The following FARP2 variants were observed in gnomAD, a reference collection of about 807,000 sequenced individuals.
The protein encoded by FARP2 is FERM, ARH/RhoGEF and pleckstrin domain protein 2, also known as FERM, ARHGEF and pleckstrin domain-containing protein 2.
Under a neutral mutation model 130.5 loss-of-function variants are expected in FARP2, and 111 were observed. The ratio of observed to expected loss-of-function variants is 0.85; its 90% CI spans 0.73 to 1.00. The LOEUF is 1.00. FARP2 is among the 50% of genes least tolerant of loss of function. The pLI is 0.00. For missense variants in FARP2, 1,385 were observed against 1,346.3 expected (o/e 1.03, Z -0.45); for synonymous variants, 504 against 516.9 (o/e 0.98, Z 0.34).
intron 18 of FARP2, among the ~76,000 whole-genome samples, chr2:241,471,775 A>G (rs4386311): frequency 0.38 from 56,950 of 151,850 alleles, 10,954 homozygotes; most frequent in Admixed American, 0.52. Context: ...GATTACAGGC[A>G]TGAGCCACCG....
At chr2:241,474,840 A>AAAT (rs2064416303) in intron 18 of FARP2, among the ~76,000 whole-genome samples, 5 of 116,288 alleles carry the variant, frequency 4.3e-5, no homozygotes, top group African/African-American at 6.4e-5. Context: ...AATAAATAAA[A>AAAT]AGAAAGAAGG....
In FARP2 at chr2:241,493,001, A is replaced by G; in HGVS notation, c.2860A>G (p.Thr954Ala). ...HGWQKLWVVF[T>A]NFCLFFYKTH... is the part of the protein sequence containing the mutation. Reference sequence around the variant, plus strand: ...CTGGCAGAAGCTCTGGGTCGTCTTTACCAACTTCTGTTTGTTCTTCTACAA... The same window carrying G: ...CTGGCAGAAGCTCTGGGTCGTCTTTGCCAACTTCTGTTTGTTCTTCTACAA... Residue 954 changes from threonine to alanine, a missense_variant, in exon 25 of 27, where the codon ACC (threonine) becomes GCC (alanine). By Grantham distance (58) the Thr-to-Ala change is moderately conservative. Transcript: ENST00000264042. 1 of 1,610,564 alleles carries G rather than the reference A, an allele frequency of 6.2e-7. No homozygotes were observed. Among genetic ancestry groups the G allele is most frequent in the Non-Finnish European group, 8.5e-7 (1 of 1,176,796 alleles).
At chr2:241,491,417 A>G (rs1345274001) in intron 23 of FARP2, 99 bp from the exon 24 acceptor site, 5 of 1,356,504 alleles carry the variant, frequency 3.7e-6, no homozygotes, top group African/African-American at 1.4e-5. Context: ...AGGGCTCCCC[A>G]TTTCCCCAGG....
intron 12 of FARP2, 132 bp from the exon 13 acceptor site, chr2:241,441,172 G>A (rs2063373097): frequency 9.4e-6 from 7 of 745,446 alleles, no homozygotes; most frequent in Middle Eastern, 3.2e-4. Context: ...AAAGTCTAGT[G>A]AATTGCCCAT....
At chr2:241,481,359 A>C (rs1467354105) in intron 19 of FARP2, among the ~76,000 whole-genome samples, 1 of 152,230 alleles carries the variant, frequency 6.6e-6, no homozygotes, top group African/African-American at 2.4e-5. Context: ...TACTCTCAAC[A>C]TAAAAAATTG....
intron 1 of FARP2, among the ~76,000 whole-genome samples, chr2:241,366,706 A>G (rs1372201972): frequency 6.6e-6 from 1 of 152,110 alleles, no homozygotes; most frequent in Non-Finnish European, 1.5e-5. Context: ...AGAAATCAAG[A>G]ACACATTTTC....
chr2:241,432,104 A>C (rs1559763358), intron 9 of FARP2: 1 of 156,170 alleles, frequency 6.4e-6, no homozygotes, highest in Non-Finnish European at 1.4e-5. Flanking sequence ...ACAGGCTCAC[A>C]AAGTGCTGGG....
chr2:241,437,878 G>C (rs1416496977), intron 12 of FARP2, among the ~76,000 whole-genome samples: 2 of 151,872 alleles, frequency 1.3e-5, no homozygotes, highest in Non-Finnish European at 2.9e-5. Context: ...TGTCAGCCAG[G>C]ATGGTCTTGA....
At chr2:241,413,003 G>T (rs920857024) in intron 6 of FARP2, among the ~76,000 whole-genome samples, 1 of 152,100 alleles carries the variant, frequency 6.6e-6, no homozygotes, top group African/African-American at 2.4e-5. Flanking sequence ...ACTCCAGCCT[G>T]GTCAACAGAA....
intron 8 of FARP2, among the ~76,000 whole-genome samples, chr2:241,422,260 C>CAAAAAAAAAAAAAA (rs1198628886): frequency 1.1e-5 from 1 of 91,978 alleles, no homozygotes; most frequent in Non-Finnish European, 2.2e-5. Flanking sequence ...ACTAAAAATA[C>CAAAAAAAAAAAAAA]AAAAAAAAAA....
chr2:241,373,302 G>T lies in FARP2; in HGVS notation c.183+12G>T, dbSNP rs751921721. The T allele has an allele frequency of 1.4e-6, 2 of 1,385,124 alleles. No homozygotes were observed. The highest frequency in any genetic ancestry group is 1.9e-6 in the Non-Finnish European group (2 of 1,054,744). The allele number at this position is 1,385,124 out of a possible 1,614,324, so 85.8% of individuals were successfully genotyped here. A position where few individuals can be genotyped will look rare whatever the true frequency, so the allele number is the denominator to read the frequency against. On this transcript the variant is annotated intron_variant, in intron 2 of 26. Coordinates refer to ENST00000264042, the MANE Select transcript of FARP2 (RefSeq NM_014808.4). ...TATTTGACATTGAGGTAAGAAGCAT[G>T]ATTTTTGGAGGCATATTTCCTTATA...
chr2:241,420,505 A>G (rs1006349293), intron 8 of FARP2, among the ~76,000 whole-genome samples: 20 of 152,208 alleles, frequency 1.3e-4, no homozygotes, highest in Non-Finnish European at 1.8e-4. Flanking sequence ...TTGTGAATGT[A>G]TCACTGTATT....
chr2:241,406,111 G>A (rs1559738645), intron 4 of FARP2, among the ~76,000 whole-genome samples: 1 of 151,970 alleles, frequency 6.6e-6, no homozygotes, highest in African/African-American at 2.4e-5. Flanking sequence ...AGACCATCCT[G>A]GCTAACATGG....
intron 2 of FARP2, chr2:241,387,260 G>A (rs925216618): frequency 1.3e-5 from 2 of 152,210 alleles, no homozygotes; most frequent in African/African-American, 4.8e-5. Flanking sequence ...AGAAAGAAAA[G>A]GAGGGAGGAG....
At chr2:241,366,792 C>G (rs1302783643) in intron 1 of FARP2, among the ~76,000 whole-genome samples, 2 of 151,976 alleles carry the variant, frequency 1.3e-5, no homozygotes, top group African/African-American at 4.8e-5. Flanking sequence ...TCTGATTAAC[C>G]CTTCCCTTCC....
intron 17 of FARP2, among the ~76,000 whole-genome samples, chr2:241,464,254 A>G (rs928641939): frequency 2.0e-5 from 3 of 149,290 alleles, no homozygotes; most frequent in African/African-American, 7.4e-5. Context: ...GGTCTCCTCA[A>G]AACAAGGTTT....
At chr2:241,403,788 C>CT (rs779224404) in intron 2 of FARP2, 40 bp from the exon 3 acceptor site, 1 of 1,321,556 alleles carries the variant, frequency 7.6e-7, no homozygotes, top group East Asian at 2.3e-5. Context: ...GCTGTTTAGT[C>CT]TTTCAATCCT....
intron 14 of FARP2, among the ~76,000 whole-genome samples, chr2:241,458,690 A>T (rs977753882): frequency 8.5e-5 from 13 of 152,280 alleles, no homozygotes; most frequent in African/African-American, 3.1e-4. Flanking sequence ...ACAAAAAAAA[A>T]AATGGCTACC....
At chr2:241,408,833 T>C (rs2062434215) in intron 5 of FARP2, among the ~76,000 whole-genome samples, 1 of 152,164 alleles carries the variant, frequency 6.6e-6, no homozygotes, top group African/African-American at 2.4e-5. Flanking sequence ...CAACACAAAA[T>C]CGTAGAATGT....
Sources: gnomAD v4.1 joint callset for allele counts (sites outside exome capture counted in the v4.1 genomes callset) on GRCh38, gnomAD v4.1.1 for gene constraint, MANE v1.5 for transcripts, NCBI Gene and HGNC (gene_info 2026-07-23, HGNC 2026-07-21) for gene names.